DYTN: variants seen among roughly 807,000 people sequenced by gnomAD.
DYTN encodes the protein dystrotelin.
A neutral mutation model predicts 69.6 loss-of-function variants in DYTN; 75 were observed. The ratio of observed to expected loss-of-function variants is 1.08; its 90% CI spans 0.89 to 1.31. The LOEUF is 1.31. DYTN is among the 50% of genes most tolerant of loss of function. The pLI is 0.00. For missense variants in DYTN, 726 were observed against 688.4 expected (o/e 1.05, Z -0.61); for synonymous variants, 252 against 249.1 (o/e 1.01, Z -0.11).
At chr2:206,703,261 T>A (rs72960706) in intron 5 of DYTN, among the ~76,000 whole-genome samples, 41,573 of 151,984 alleles carry the variant, frequency 0.27, 5,875 homozygotes, top group East Asian at 0.42. Context: ...TCCCCTTTCA[T>A]CACATCCGCT....
In DYTN at chr2:206,704,915, G is replaced by A; in HGVS notation, c.411C>T (p.Ser137=). Residue 137 remains serine, a synonymous_variant, in exon 5 of 12, where the codon AGC becomes AGT. Transcript: ENST00000452335. ...GTGGCCCAGAATCATAGCCTCCCCT[G>A]CTATTTTCTGCATAGAGTTGAAAAA... ...RALFQLYAEN[S]RGGYDSGPRM... The A allele has an allele frequency of 1.2e-6, 2 of 1,613,734 alleles. No homozygotes were observed. Among genetic ancestry groups the A allele is most frequent in the Non-Finnish European group, 1.7e-6 (2 of 1,179,784 alleles).
chr2:206,651,805 C>T lies in DYTN; in HGVS notation c.*13G>A, dbSNP rs1363538390. 2 of 1,612,432 alleles carry T rather than the reference C, an allele frequency of 1.2e-6. No individual in the cohort carries two copies. Among genetic ancestry groups the T allele is most frequent in the South Asian group, 2.2e-5 (2 of 91,018 alleles). ...GTCATCACACCAAGAGGCCTTTGAG[C>T]CTGGACTCCATTTCACTTCAAATTG... On this transcript the variant is annotated 3_prime_UTR_variant, in exon 12 of 12. Coordinates refer to ENST00000452335, the MANE Select transcript of DYTN (RefSeq NM_001093730.1).
chr2:206,708,108 T>C (rs948942112), intron 2 of DYTN, among the ~76,000 whole-genome samples: 13 of 152,208 alleles, frequency 8.5e-5, no homozygotes, highest in Non-Finnish European at 1.8e-4. Context: ...GTTCCATCAG[T>C]ATTATTATCT....
rs539469482 is a variant in DYTN, at chr2:206,668,204, C to T, written c.981-2175G>A. Among the ~76,000 whole-genome samples the T allele has an allele frequency of 8.5e-5, 13 of 152,312 alleles. No individual in the cohort carries two copies. In the South Asian group the frequency reaches 2.3e-3, roughly 27 times the overall value. The stretch of plus-strand genomic sequence containing the variant: ...GTGTTGTGCTTGTTATGACCACTAA[C>T]GATGTCAGGCTCTCTCTTTTCCTCA... On this transcript the variant is annotated intron_variant, in intron 9 of 11. Coordinates refer to ENST00000452335, the MANE Select transcript of DYTN (RefSeq NM_001093730.1).
In DYTN at chr2:206,699,441, A is replaced by G. The variant is rs572629630; in HGVS notation, c.719+286T>C. Among the ~76,000 whole-genome samples, 4 of 152,354 alleles carry G rather than the reference A, an allele frequency of 2.6e-5. No homozygotes were observed. In the East Asian group the frequency reaches 7.7e-4, roughly 29 times the overall value. On this transcript the variant is annotated intron_variant, in intron 7 of 11. Transcript: ENST00000452335. Reference sequence around the variant, plus strand: ...GAGACCCTGTCTCTAAAAACAAAATAAAGCAAAACAAAACAAAGACAAAAT... The same window carrying G: ...GAGACCCTGTCTCTAAAAACAAAATGAAGCAAAACAAAACAAAGACAAAAT...
At chr2:206,662,122 A>G (rs913569349) in intron 11 of DYTN, among the ~76,000 whole-genome samples, 1 of 152,156 alleles carries the variant, frequency 6.6e-6, no homozygotes, top group Admixed American at 6.5e-5. Context: ...GACTTACATG[A>G]TATATTCAAC....
chr2:206,714,535 A>G (rs990493933), intron 1 of DYTN, among the ~76,000 whole-genome samples: 2 of 152,076 alleles, frequency 1.3e-5, no homozygotes, highest in East Asian at 1.9e-4. Flanking sequence ...AGGCCTTTGT[A>G]TGAAAAGATG....
At chr2:206,666,112 C>A in intron 9 of DYTN, 83 bp from the exon 10 acceptor site, 3 of 1,495,678 alleles carry the variant, frequency 2.0e-6, no homozygotes, top group Non-Finnish European at 2.7e-6. Context: ...GTATTCCGGT[C>A]CTTTTTGTGG....
At chr2:206,707,927 T>A (rs1700043084) in intron 2 of DYTN, among the ~76,000 whole-genome samples, 1 of 152,236 alleles carries the variant, frequency 6.6e-6, no homozygotes, top group African/African-American at 2.4e-5. Flanking sequence ...AATATAGTTT[T>A]TCTTGTCTGC....
intron 1 of DYTN, among the ~76,000 whole-genome samples, chr2:206,714,968 T>C (rs1336694209): frequency 6.6e-6 from 1 of 152,072 alleles, no homozygotes; most frequent in Non-Finnish European, 1.5e-5. Flanking sequence ...CTCGTCTTAT[T>C]CAGCGTTTCA....
At chr2:206,698,292 T>G (rs908654496) in intron 7 of DYTN, among the ~76,000 whole-genome samples, 2 of 152,218 alleles carry the variant, frequency 1.3e-5, no homozygotes, top group African/African-American at 4.8e-5. Flanking sequence ...GCAAATTCTC[T>G]GCAAACCCAA....
At chr2:206,704,089 G>A (rs1241760688) in intron 5 of DYTN, among the ~76,000 whole-genome samples, 2 of 152,100 alleles carry the variant, frequency 1.3e-5, no homozygotes, top group African/African-American at 4.8e-5. Context: ...TTGAGTACTC[G>A]ACATGGCACT....
intron 11 of DYTN, among the ~76,000 whole-genome samples, chr2:206,653,083 T>C (rs1175248756): frequency 2.6e-5 from 4 of 152,204 alleles, no homozygotes; most frequent in African/African-American, 9.6e-5. Context: ...ATGCATTTTT[T>C]ATCCCACTTA....
intron 1 of DYTN, among the ~76,000 whole-genome samples, chr2:206,712,262 G>T (rs1172813793): frequency 6.6e-6 from 1 of 152,100 alleles, no homozygotes; most frequent in Admixed American, 6.5e-5. Context: ...AGGCCCCGGG[G>T]GTAAATCTGA....
chr2:206,653,748 T>C (rs1699415034), intron 11 of DYTN, among the ~76,000 whole-genome samples: 1 of 152,230 alleles, frequency 6.6e-6, no homozygotes, highest in African/African-American at 2.4e-5. Flanking sequence ...TGATTGCCTC[T>C]GTGATGTCTT....
chr2:206,718,353 A>C lies in DYTN; in HGVS notation c.-74T>G, dbSNP rs1398951727. 6.6e-7 allele frequency: 1 copy of C among 1,524,074 alleles called. No individual in the cohort carries two copies. The highest frequency in any genetic ancestry group is 8.9e-7 in the Non-Finnish European group (1 of 1,120,542). 94.4% of individuals were successfully genotyped at this position (1,524,074 alleles called of 1,614,324 possible). A position where few individuals can be genotyped will look rare whatever the true frequency, so the allele number is the denominator to read the frequency against. ...GAAATGAACCAGTATTTTAAGCAGA[A>C]GGTTTTGCAGCAGAGGAATGAGGAC... On this transcript the variant is annotated 5_prime_UTR_variant, in exon 1 of 12. Coordinates refer to ENST00000452335, the MANE Select transcript of DYTN (RefSeq NM_001093730.1).
At chr2:206,717,269 C>A (rs747616004) in intron 1 of DYTN, among the ~76,000 whole-genome samples, 1 of 152,102 alleles carries the variant, frequency 6.6e-6, no homozygotes, top group South Asian at 2.1e-4. Flanking sequence ...ATTTATTTTC[C>A]ACAGATACTA....
At chr2:206,670,282 GGTCATTTTT>G (rs1298497005) in intron 9 of DYTN, among the ~76,000 whole-genome samples, 1 of 152,058 alleles carries the variant, frequency 6.6e-6, no homozygotes, top group Non-Finnish European at 1.5e-5. Context: ...TACTTAGCCT[GGTCATTTTT>G]GTTATGCTTA....
intron 2 of DYTN, among the ~76,000 whole-genome samples, chr2:206,707,766 AG>A (rs1365267072): frequency 6.6e-6 from 1 of 152,134 alleles, no homozygotes; most frequent in Non-Finnish European, 1.5e-5. Flanking sequence ...TACAGTTTCT[AG>A]GATGTTGTTT....
Sources: gnomAD v4.1 joint callset for allele counts (sites outside exome capture counted in the v4.1 genomes callset) on GRCh38, gnomAD v4.1.1 for gene constraint, MANE v1.5 for transcripts, NCBI Gene and HGNC (gene_info 2026-07-23, HGNC 2026-07-21) for gene names.